MYO3B: variants seen among roughly 807,000 people sequenced by gnomAD.
MYO3B encodes the protein myosin-IIIb.
Under a neutral mutation model 174.6 loss-of-function variants are expected in MYO3B, and 156 were observed. The observed-to-expected ratio is 0.89, with a 90% confidence interval of 0.78 to 1.02. The LOEUF is 1.02. Among genes scored for constraint, MYO3B ranks in the 50% least tolerant of loss-of-function variants. The probability of loss-of-function intolerance (pLI) is 0.00; values close to 1 mark genes in which losing one functional copy is unlikely to be tolerated. For missense variants in MYO3B, 1,632 were observed against 1,639.4 expected (o/e 1.00, Z 0.08); for synonymous variants, 563 against 569.1 (o/e 0.99, Z 0.15).
intron 25 of MYO3B, among the ~76,000 whole-genome samples, chr2:170,489,679 G>GTGTC (rs1389067011): frequency 8.9e-4 from 127 of 141,932 alleles, no homozygotes; most frequent in Middle Eastern, 7.4e-3. Context: ...CTGGGTAAGT[G>GTGTC]TGGGTAAGTG....
intron 8 of MYO3B, among the ~76,000 whole-genome samples, chr2:170,356,829 G>A (rs2094125313): frequency 6.6e-6 from 1 of 152,022 alleles, no homozygotes; most frequent in South Asian, 2.1e-4. Flanking sequence ...CCAGGCTGGA[G>A]TGCAGTGGTA....
At chr2:170,478,210 A>G (rs1326169605) in intron 25 of MYO3B, among the ~76,000 whole-genome samples, 1 of 152,072 alleles carries the variant, frequency 6.6e-6, no homozygotes, top group Non-Finnish European at 1.5e-5. Context: ...ACTGGGGCAC[A>G]TTGTCACCCA....
chr2:170,392,450 C>G lies in MYO3B; in HGVS notation c.1746C>G (p.Phe582Leu), dbSNP rs369862213. 1 of 1,596,386 alleles carries G rather than the reference C, an allele frequency of 6.3e-7. No individual in the cohort carries two copies. The highest frequency in any genetic ancestry group is 1.3e-5 in the African/African-American group (1 of 74,714). Reference protein sequence around the residue: ...ITSKESYRRQFEAIQHCFRII... With the variant: ...ITSKESYRRQLEAIQHCFRII... ...CCAAGGAGTCTTACAGAAGACAATT[C>G]GAAGCAATTCAGCATTGCTTCAGGA... The change falls in exon 16 of 35, where the codon TTC (phenylalanine) becomes TTG (leucine). Residue 582 changes from phenylalanine (F) to leucine (L), a missense_variant. By Grantham distance (22) the Phe-to-Leu change is conservative. Transcript: ENST00000408978.
rs746471464 is a variant in MYO3B, at chr2:170,383,196, G to A, written c.1185+7G>A. On this transcript the variant is annotated splice_region_variant and intron_variant, in intron 11 of 34. Coordinates refer to ENST00000408978, the MANE Select transcript of MYO3B (RefSeq NM_138995.5). ...AAGCATATACTCTCCACAGGTAAGG[G>A]ATGTTTTAAGAGCATACTGCTCCTT... is the stretch of plus-strand genomic sequence containing the variant. 6.6e-7 allele frequency: 1 copy of A among 1,504,610 alleles called. No homozygotes were observed. The highest frequency in any genetic ancestry group is 9.2e-7 in the Non-Finnish European group (1 of 1,081,348). 93.2% of individuals were successfully genotyped at this position (1,504,610 alleles called of 1,614,324 possible).
intron 32 of MYO3B, among the ~76,000 whole-genome samples, chr2:170,608,572 A>G (rs74455498): frequency 6.6e-5 from 10 of 152,012 alleles, no homozygotes; most frequent in African/African-American, 2.4e-4. Context: ...TCCTTTGCAT[A>G]GATGTGCTCA....
intron 9 of MYO3B, among the ~76,000 whole-genome samples, chr2:170,377,042 C>A (rs1241662194): frequency 6.6e-6 from 1 of 152,164 alleles, no homozygotes; most frequent in African/African-American, 2.4e-5. Flanking sequence ...ATGGAAGCCT[C>A]CACTTCCATA....
At chr2:170,470,433 T>C (rs1162310429) in intron 25 of MYO3B, among the ~76,000 whole-genome samples, 1 of 152,000 alleles carries the variant, frequency 6.6e-6, no homozygotes, top group Non-Finnish European at 1.5e-5. Context: ...TATGTACCAG[T>C]ATGTTATTTT....
At position 170,499,779 on chromosome 2, in the gene MYO3B, G is replaced by C. The variant is rs924349095; in HGVS notation, c.3260G>C (p.Arg1087Thr). The stretch of plus-strand genomic sequence containing the variant: ...AGATACAAAAGGGTCAGAGAGAAGA[G>C]AGAGAAGGGAGCCATTGCCATCCAG... ...ARRYKRVREK[R>T]EKGAIAIQSA... The change falls in exon 27 of 35, where the codon AGA becomes ACA. Residue 1087 changes from arginine (R) to threonine (T), a missense_variant. Coordinates refer to ENST00000408978, the MANE Select transcript of MYO3B (RefSeq NM_138995.5). 6.2e-7 allele frequency: 1 copy of C among 1,614,000 alleles called. No homozygotes were observed. The highest frequency in any genetic ancestry group is 8.5e-7 in the Non-Finnish European group (1 of 1,179,904).
At chr2:170,394,826 A>G (rs921724074) in intron 16 of MYO3B, among the ~76,000 whole-genome samples, 5 of 152,220 alleles carry the variant, frequency 3.3e-5, no homozygotes, top group Non-Finnish European at 5.9e-5. Flanking sequence ...ATAAACTCAA[A>G]AAGTAGTGTG....
At chr2:170,231,400 A>G (rs564047789) in intron 6 of MYO3B, among the ~76,000 whole-genome samples, 10 of 152,362 alleles carry the variant, frequency 6.6e-5, no homozygotes, top group African/African-American at 2.4e-4. Context: ...CTAAGGTGGT[A>G]ATGACCAACA....
At chr2:170,531,899 A>G (rs1244812355) in intron 30 of MYO3B, among the ~76,000 whole-genome samples, 1 of 152,252 alleles carries the variant, frequency 6.6e-6, no homozygotes, top group Admixed American at 6.5e-5. Flanking sequence ...GGCAACTGCA[A>G]AAATAATTGT....
At chr2:170,242,858 T>C (rs547498892) in intron 7 of MYO3B, among the ~76,000 whole-genome samples, 6 of 152,220 alleles carry the variant, frequency 3.9e-5, no homozygotes, top group Non-Finnish European at 8.8e-5. Context: ...GAGCTCAAAA[T>C]TGTGCTAGAG....
At chr2:170,623,098 T>G (rs948880280) in intron 32 of MYO3B, among the ~76,000 whole-genome samples, 3 of 152,236 alleles carry the variant, frequency 2.0e-5, no homozygotes, top group African/African-American at 7.2e-5. Flanking sequence ...AGTAATGGGA[T>G]AGCTGGGTCA....
intron 7 of MYO3B, among the ~76,000 whole-genome samples, chr2:170,250,606 A>C (rs1279606700): frequency 6.6e-6 from 1 of 152,184 alleles, no homozygotes; most frequent in Non-Finnish European, 1.5e-5. Flanking sequence ...TTAAGTGTTA[A>C]CCAGCTCAGT....
At chr2:170,511,195 G>C (rs1286079222) in intron 28 of MYO3B, among the ~76,000 whole-genome samples, 1 of 151,822 alleles carries the variant, frequency 6.6e-6, no homozygotes, top group Admixed American at 6.6e-5. Flanking sequence ...AAGTAGCTGG[G>C]ACTACAGGCG....
chr2:170,413,494 G>A (rs1416469080), intron 22 of MYO3B, among the ~76,000 whole-genome samples: 1 of 152,162 alleles, frequency 6.6e-6, no homozygotes, highest in Non-Finnish European at 1.5e-5. Context: ...CTGTGCTCTT[G>A]AAGAGCACAG....
At chr2:170,186,334 G>A (rs184947011) in intron 1 of MYO3B, among the ~76,000 whole-genome samples, 1 of 152,200 alleles carries the variant, frequency 6.6e-6, no homozygotes, top group Non-Finnish European at 1.5e-5. Context: ...ATCATGAAGT[G>A]ATGTTGAGTT....
rs903444578 is a variant in MYO3B at position 170,639,364 on chromosome 2, G to A, written c.3734-12264G>A. Among the ~76,000 whole-genome samples, 3 of 152,184 alleles carry A rather than the reference G, an allele frequency of 2.0e-5. No individual in the cohort carries two copies. In the East Asian group the frequency reaches 5.8e-4, roughly 29 times the overall value. ...TGAGTTAATGCTGTTTTCCCACTGG[G>A]TGCAGTTTGGGTGGCCATTTTCGCC... On this transcript the variant is annotated intron_variant, in intron 32 of 34. Coordinates refer to ENST00000408978, the MANE Select transcript of MYO3B (RefSeq NM_138995.5).
intron 32 of MYO3B, among the ~76,000 whole-genome samples, chr2:170,590,031 G>C (rs1285431338): frequency 1.3e-5 from 2 of 152,192 alleles, no homozygotes; most frequent in Admixed American, 6.5e-5. Context: ...AGGCTGTACT[G>C]TATTAACCTA....
Sources: gnomAD v4.1 joint callset for allele counts (sites outside exome capture counted in the v4.1 genomes callset) on GRCh38, gnomAD v4.1.1 for gene constraint, MANE v1.5 for transcripts, NCBI Gene and HGNC (gene_info 2026-07-23, HGNC 2026-07-21) for gene names.